TMCC1: variants seen among roughly 807,000 people sequenced by gnomAD.
The protein encoded by TMCC1 is transmembrane and coiled-coil domain family 1.
TMCC1 carries 15 observed loss-of-function variants against 52.4 expected under a neutral mutation model. That is an observed-to-expected ratio of 0.29 (90% CI 0.19 to 0.44). The LOEUF is 0.44. TMCC1 is among the 20% of genes least tolerant of loss of function. The pLI is 1.00. For missense variants in TMCC1, 503 were observed against 806.0 expected (o/e 0.62, Z 4.55); for synonymous variants, 279 against 301.9 (o/e 0.92, Z 0.79).
At chr3:129,834,012 G>T (rs2059041327) in intron 2 of TMCC1, among the ~76,000 whole-genome samples, 1 of 152,160 alleles carries the variant, frequency 6.6e-6, no homozygotes, top group Non-Finnish European at 1.5e-5. Context: ...CAGAAAATAA[G>T]ATGTCCATAC....
chr3:129,666,694 C>T (rs918835988), intron 5 of TMCC1, among the ~76,000 whole-genome samples: 1 of 152,000 alleles, frequency 6.6e-6, no homozygotes, highest in African/African-American at 2.4e-5. Flanking sequence ...AAGTCAAGAT[C>T]GCACCACTGC....
At chr3:129,813,797 A>G (rs2057958667) in intron 4 of TMCC1, among the ~76,000 whole-genome samples, 1 of 152,020 alleles carries the variant, frequency 6.6e-6, no homozygotes, top group East Asian at 1.9e-4. Context: ...AACCTAAAAT[A>G]AAAGTTAAAA....
At chr3:129,679,683 C>T (rs911558022) in intron 4 of TMCC1, among the ~76,000 whole-genome samples, 3 of 152,154 alleles carry the variant, frequency 2.0e-5, no homozygotes, top group Non-Finnish European at 4.4e-5. Context: ...CTACATAGAA[C>T]TCTTTACCTT....
intron 4 of TMCC1, among the ~76,000 whole-genome samples, chr3:129,767,472 A>T (rs2054224429): frequency 6.6e-6 from 1 of 152,034 alleles, no homozygotes. Flanking sequence ...TCCAGGGTTC[A>T]AGCAAAGCTC....
At position 129,849,852 on chromosome 3, in the gene TMCC1, A is replaced by C. The variant is rs542752559; in HGVS notation, c.-183-17026T>G. Among the ~76,000 whole-genome samples the C allele has an allele frequency of 7.2e-5, 11 of 152,000 alleles. No individual in the cohort carries two copies. In the South Asian group the frequency reaches 2.3e-3, roughly 32 times the overall value. On this transcript the variant is annotated intron_variant, in intron 2 of 6. Coordinates refer to ENST00000393238, the MANE Select transcript of TMCC1 (RefSeq NM_001017395.5). Reference sequence around the variant, plus strand: ...CATGTATATATATGTATGTGTGTGCATCCACTGAAGGGGATTACATTTAAT... The same window carrying C: ...CATGTATATATATGTATGTGTGTGCCTCCACTGAAGGGGATTACATTTAAT...
chr3:129,860,423 TGGG>T (rs1173568530), intron 2 of TMCC1, among the ~76,000 whole-genome samples: 1 of 151,658 alleles, frequency 6.6e-6, no homozygotes, highest in African/African-American at 2.4e-5. Flanking sequence ...GGAGATGCGG[TGGG>T]GGGAAACGGG....
intron 4 of TMCC1, among the ~76,000 whole-genome samples, chr3:129,689,146 G>A (rs931382296): frequency 1.3e-5 from 2 of 152,144 alleles, no homozygotes; most frequent in South Asian, 2.1e-4. Flanking sequence ...AACTGAGCAC[G>A]ACACTCTAAA....
At chr3:129,656,027 T>G (rs1318360607) in intron 5 of TMCC1, among the ~76,000 whole-genome samples, 4 of 152,168 alleles carry the variant, frequency 2.6e-5, no homozygotes, top group African/African-American at 7.2e-5. Flanking sequence ...ATCTGGAAGA[T>G]CCGAAGAGTT....
intron 4 of TMCC1, among the ~76,000 whole-genome samples, chr3:129,750,587 T>G (rs2052409582): frequency 6.8e-6 from 1 of 147,982 alleles, no homozygotes; most frequent in South Asian, 2.2e-4. Flanking sequence ...TTTTTTTTTT[T>G]TTTTTTGAGA....
In TMCC1 at chr3:129,852,233, G is replaced by A. The variant is rs143510964; in HGVS notation, c.-183-19407C>T. Reference sequence around the variant, plus strand: ...ACACTTTGGGAGGCTGAGGTAGGTGGATCATTTGAGGTCAGGAATTTGAGA... The same window carrying A: ...ACACTTTGGGAGGCTGAGGTAGGTGAATCATTTGAGGTCAGGAATTTGAGA... On this transcript the variant is annotated intron_variant, in intron 2 of 6. Transcript: ENST00000393238. 3.9e-3 allele frequency among the ~76,000 whole-genome samples: 597 copies of A among 152,214 alleles called. 3 individuals are homozygous for A. The highest frequency in any genetic ancestry group is 0.013 in the African/African-American group (559 of 41,552).
chr3:129,811,119 G>A (rs958711569), intron 4 of TMCC1, among the ~76,000 whole-genome samples: 6 of 152,004 alleles, frequency 3.9e-5, no homozygotes, highest in Non-Finnish European at 8.8e-5. Flanking sequence ...AAATTCTAAA[G>A]CGTATTCCTC....
intron 4 of TMCC1, among the ~76,000 whole-genome samples, chr3:129,678,243 C>T (rs1434554859): frequency 6.6e-6 from 1 of 151,136 alleles, no homozygotes; most frequent in East Asian, 2.0e-4. Flanking sequence ...TTCTCATATA[C>T]CTTATATCCA....
rs571888620 is a variant in TMCC1 at position 129,696,252 on chromosome 3, T to A, written c.577-24988A>T. On this transcript the variant is annotated intron_variant, in intron 4 of 6. Transcript: ENST00000393238. ...ACCATCTTTTATCTTAACCTGAACATTTCCTTTCTATTAATCCCAGGTCTT... is the reference window on the plus strand; with the variant it reads ...ACCATCTTTTATCTTAACCTGAACAATTCCTTTCTATTAATCCCAGGTCTT... 5.9e-5 allele frequency among the ~76,000 whole-genome samples: 9 copies of A among 152,326 alleles called. No individual in the cohort carries two copies. In the South Asian group the frequency reaches 1.7e-3, roughly 28 times the overall value.
chr3:129,700,187 G>A (rs1382563938), intron 4 of TMCC1, among the ~76,000 whole-genome samples: 1 of 151,858 alleles, frequency 6.6e-6, no homozygotes, highest in Non-Finnish European at 1.5e-5. Flanking sequence ...ACTAGCTTAG[G>A]AACATAGTGA....
intron 4 of TMCC1, among the ~76,000 whole-genome samples, chr3:129,712,058 TC>T (rs1279135901): frequency 7.2e-6 from 1 of 138,718 alleles, no homozygotes; most frequent in Non-Finnish European, 1.5e-5. Context: ...ACACCTGTAA[TC>T]CCAGCTACTC....
intron 4 of TMCC1, among the ~76,000 whole-genome samples, chr3:129,731,946 T>C (rs1442824683): frequency 6.6e-6 from 1 of 152,172 alleles, no homozygotes; most frequent in Admixed American, 6.6e-5. Context: ...TTAAAGAATC[T>C]CTAGATTTAT....
In TMCC1 at chr3:129,651,916, G is replaced by A. The variant is rs1472127266; in HGVS notation, c.1648-121C>T. ...TGCCAATGATTTTATAAATATGCTGGAGCCTTGAATGAATGTAAAAGGCTA... is the reference window on the plus strand; with the variant it reads ...TGCCAATGATTTTATAAATATGCTGAAGCCTTGAATGAATGTAAAAGGCTA... On this transcript the variant is annotated intron_variant, in intron 6 of 6. Transcript: ENST00000393238. The surrounding 1 kb of genome is among the most constrained non-coding windows in gnomAD (Gnocchi z 5.1). 4 of 1,009,724 alleles carry A rather than the reference G, an allele frequency of 4.0e-6. No homozygotes were observed. Among genetic ancestry groups the A allele is most frequent in the Non-Finnish European group, 5.4e-6 (4 of 740,260 alleles). 62.5% of individuals were successfully genotyped at this position (1,009,724 alleles called of 1,614,324 possible).
chr3:129,789,481 C>A (rs1266155295), intron 4 of TMCC1, among the ~76,000 whole-genome samples: 1 of 152,180 alleles, frequency 6.6e-6, no homozygotes, highest in Non-Finnish European at 1.5e-5. Flanking sequence ...ACCAACATTT[C>A]TCCACTTCTT....
chr3:129,827,701 G>C, intron 4 of TMCC1, 102 bp downstream of exon 4: 1 of 1,379,608 alleles, frequency 7.2e-7, no homozygotes, highest in Non-Finnish European at 9.8e-7. Context: ...ACAACTTTAA[G>C]GTATTTGCTG....
Sources: gnomAD v4.1 joint callset for allele counts (sites outside exome capture counted in the v4.1 genomes callset) on GRCh38, gnomAD v4.1.1 for gene constraint, Gnocchi (gnomAD v3.1) non-coding constraint, MANE v1.5 for transcripts, NCBI Gene and HGNC (gene_info 2026-07-23, HGNC 2026-07-21) for gene names.